The following ANKFN1 variants were observed in gnomAD, a reference collection of about 807,000 sequenced individuals.
ANKFN1 encodes the protein ankyrin repeat and fibronectin type-III domain-containing protein 1.
ANKFN1 carries 74 observed loss-of-function variants against 108.7 expected under a neutral mutation model. The observed-to-expected ratio is 0.68, with a 90% CI of 0.56 to 0.83. The LOEUF (loss-of-function observed/expected upper bound fraction) is 0.83, where lower values mean the gene tolerates loss of function less well. Among genes scored for constraint, ANKFN1 ranks in the 40% least tolerant of loss-of-function variants. The probability of loss-of-function intolerance (pLI) is 0.00; values close to 1 mark genes in which losing one functional copy is unlikely to be tolerated. For missense variants in ANKFN1, 1,505 were observed against 1,382.3 expected (o/e 1.09, Z -1.41); for synonymous variants, 547 against 516.2 (o/e 1.06, Z -0.81).
At chr17:56,449,997 T>G (rs2049429170) in intron 11 of ANKFN1, among the ~76,000 whole-genome samples, 1 of 152,104 alleles carries the variant, frequency 6.6e-6, no homozygotes, top group South Asian at 2.1e-4. Flanking sequence ...ATTTCTGATC[T>G]GTGTAACGAT....
intron 4 of ANKFN1, among the ~76,000 whole-genome samples, chr17:56,136,539 T>G (rs1907609912): frequency 6.6e-6 from 1 of 152,178 alleles, no homozygotes; most frequent in Non-Finnish European, 1.5e-5. Context: ...ACAGGGTTTT[T>G]GTCAGAGAGA....
intron 8 of ANKFN1, among the ~76,000 whole-genome samples, chr17:56,434,944 T>C (rs2048885240): frequency 6.6e-6 from 1 of 152,142 alleles, no homozygotes; most frequent in Non-Finnish European, 1.5e-5. Context: ...ATGTGGCCAG[T>C]AAGAATGCTG....
intron 4 of ANKFN1, among the ~76,000 whole-genome samples, chr17:56,103,875 G>A (rs140973170): frequency 6.5e-4 from 99 of 152,302 alleles, no homozygotes; most frequent in Non-Finnish European, 9.8e-4. Flanking sequence ...TATTTGAACT[G>A]GCTCTTCAGG....
chr17:56,456,913 G>A lies in ANKFN1; in HGVS notation c.1260G>A (p.Leu420=). 6.2e-7 allele frequency: 1 copy of A among 1,614,128 alleles called. No individual in the cohort carries two copies. Among genetic ancestry groups the A allele is most frequent in the Non-Finnish European group, 8.5e-7 (1 of 1,180,014 alleles). ...TGRKQSVSRS[L]KHLFHSSNKF... is the part of the protein sequence containing the mutation. ...GCAAGCAGTCAGTCTCAAGAAGCCT[G>A]AAACACCTGTTCCATTCCTCGAACA... Residue 420 remains leucine, a synonymous_variant, in exon 12 of 21, where the codon CTG becomes CTA. Transcript: ENST00000682825.
chr17:56,175,935 G>A (rs1292167152), intron 1 of ANKFN1, among the ~76,000 whole-genome samples: 1 of 151,728 alleles, frequency 6.6e-6, no homozygotes, highest in Non-Finnish European at 1.5e-5. Context: ...AGGGGGGTGG[G>A]GGAGTTGGGG....
intron 4 of ANKFN1, among the ~76,000 whole-genome samples, chr17:56,060,772 G>A (rs955469832): frequency 6.6e-5 from 10 of 152,162 alleles, no homozygotes; most frequent in Admixed American, 6.5e-4. Flanking sequence ...TGCATCACAG[G>A]GATGAAGCCA....
At chr17:56,125,037 A>G (rs1401166713) in intron 4 of ANKFN1, among the ~76,000 whole-genome samples, 1 of 152,208 alleles carries the variant, frequency 6.6e-6, no homozygotes, top group Non-Finnish European at 1.5e-5. Flanking sequence ...CTTTAAATGC[A>G]TAAAACCTGA....
intron 3 of ANKFN1, among the ~76,000 whole-genome samples, chr17:56,325,464 A>G (rs532189956): frequency 1.3e-5 from 2 of 152,354 alleles, no homozygotes; most frequent in African/African-American, 4.8e-5. Flanking sequence ...TGTAAAGCAC[A>G]ATGCTGTGAA....
chr17:56,428,403 A>T (rs941959589), intron 8 of ANKFN1, among the ~76,000 whole-genome samples: 1 of 151,072 alleles, frequency 6.6e-6, no homozygotes, highest in African/African-American at 2.4e-5. Context: ...CTTTTGTGAC[A>T]TTAATTATAT....
intron 18 of ANKFN1, among the ~76,000 whole-genome samples, chr17:56,490,820 C>T (rs999703071): frequency 6.6e-6 from 1 of 151,982 alleles, no homozygotes; most frequent in African/African-American, 2.4e-5. Context: ...TGAAATGAGG[C>T]ATAGCTGGAG....
At chr17:56,412,316 T>A (rs1191172749) in intron 8 of ANKFN1, among the ~76,000 whole-genome samples, 3 of 152,254 alleles carry the variant, frequency 2.0e-5, no homozygotes, top group African/African-American at 7.2e-5. Flanking sequence ...GTATCAGTTG[T>A]AATGTCTCCT....
intron 4 of ANKFN1, among the ~76,000 whole-genome samples, chr17:56,123,552 G>A (rs142300667): frequency 3.1e-3 from 473 of 152,214 alleles, no homozygotes; most frequent in Middle Eastern, 0.014. Context: ...GCAGGGAGCC[G>A]CATGGGCCTT....
intron 8 of ANKFN1, among the ~76,000 whole-genome samples, chr17:56,409,869 C>T (rs1014749775): frequency 9.0e-6 from 1 of 110,976 alleles, no homozygotes; most frequent in African/African-American, 3.4e-5. Flanking sequence ...TGACCTTGAA[C>T]AAGTTACTTA....
chr17:56,141,267 C>T (rs371323693), intron 4 of ANKFN1, among the ~76,000 whole-genome samples: 1 of 152,188 alleles, frequency 6.6e-6, no homozygotes, highest in East Asian at 1.9e-4. Flanking sequence ...CTTGCCAGTA[C>T]AATTCCGCAG....
intron 8 of ANKFN1, among the ~76,000 whole-genome samples, chr17:56,396,925 C>T (rs2144907695): frequency 6.6e-6 from 1 of 152,198 alleles, no homozygotes; most frequent in East Asian, 1.9e-4. Flanking sequence ...CTTCCCCCAT[C>T]TTGATTTTTC....
intron 3 of ANKFN1, among the ~76,000 whole-genome samples, chr17:56,248,227 C>A (rs558271178): frequency 2.0e-4 from 30 of 152,298 alleles, no homozygotes; most frequent in Admixed American, 1.6e-3. Context: ...GGTACTTGAA[C>A]CCAGCCTCTG....
At chr17:56,069,485 A>AGATTGG (rs1905096483) in intron 4 of ANKFN1, among the ~76,000 whole-genome samples, 1 of 152,206 alleles carries the variant, frequency 6.6e-6, no homozygotes, top group Non-Finnish European at 1.5e-5. Context: ...CTCCTAAGCA[A>AGATTGG]ACCACTGAAT....
At chr17:56,492,410 G>A (rs1713182124) in intron 19 of ANKFN1, 57 bp downstream of exon 19, 1 of 684,618 alleles carries the variant, frequency 1.5e-6, no homozygotes, top group South Asian at 1.5e-5. Context: ...GGTGGAAAGG[G>A]TGAAAAGCCA....
At chr17:56,298,345 AT>A (rs1403250933) in intron 3 of ANKFN1, among the ~76,000 whole-genome samples, 5 of 152,176 alleles carry the variant, frequency 3.3e-5, no homozygotes, top group African/African-American at 1.2e-4. Flanking sequence ...AAATGAGTAT[AT>A]TTTGCTTTTA....
Sources: gnomAD v4.1 joint callset for allele counts (sites outside exome capture counted in the v4.1 genomes callset) on GRCh38, gnomAD v4.1.1 for gene constraint, MANE v1.5 for transcripts, NCBI Gene and HGNC (gene_info 2026-07-23, HGNC 2026-07-21) for gene names.